ADAMTS17: variants seen among roughly 807,000 people sequenced by gnomAD.
ADAMTS17 encodes A disintegrin and metalloproteinase with thrombospondin motifs 17.
In ADAMTS17, 113 loss-of-function variants were observed where a neutral mutation model predicts 141.5. That is an observed-to-expected ratio of 0.80 (90% CI 0.69 to 0.93). The LOEUF is 0.93. Among genes scored for constraint, ADAMTS17 ranks in the 40% least tolerant of loss-of-function variants. ADAMTS17 has a pLI of 0.00. For synonymous variants in ADAMTS17, 768 were observed against 630.6 expected (o/e 1.22, Z -3.27); for missense variants, 1,659 against 1,517.9 (o/e 1.09, Z -1.54).
In ADAMTS17 at chr15:100,317,438, G is replaced by C. The variant is rs564099279; in HGVS notation, c.616+13451C>G. ...CAGGGAGACAGGAAATGAGGACCCA[G>C]GTTCCCAGCCTCAAAGGAGCAGAGG... On this transcript the variant is annotated intron_variant, in intron 3 of 21. Coordinates refer to ENST00000268070, the MANE Select transcript of ADAMTS17 (RefSeq NM_139057.4). Among the ~76,000 whole-genome samples the C allele has an allele frequency of 2.0e-5, 3 of 152,244 alleles. No homozygotes were observed. In the East Asian group the frequency reaches 5.8e-4, roughly 29 times the overall value.
intron 20 of ADAMTS17, among the ~76,000 whole-genome samples, chr15:99,985,732 C>G (rs1381445257): frequency 6.6e-6 from 1 of 152,232 alleles, no homozygotes; most frequent in African/African-American, 2.4e-5. Flanking sequence ...TATCACCACT[C>G]TGAACCTCAG....
At chr15:100,207,755 T>G (rs2041633294) in intron 7 of ADAMTS17, among the ~76,000 whole-genome samples, 1 of 152,076 alleles carries the variant, frequency 6.6e-6, no homozygotes, top group Non-Finnish European at 1.5e-5. Context: ...GACAATGGGG[T>G]ACACCTTGCA....
rs746396471 is a variant in ADAMTS17, at chr15:100,116,890, C to A, written c.1845G>T (p.Leu615=). 6.2e-7 allele frequency: 1 copy of A among 1,614,190 alleles called. No homozygotes were observed. Among genetic ancestry groups the A allele is most frequent in the Non-Finnish European group, 8.5e-7 (1 of 1,180,030 alleles). Residue 615 remains leucine (L), a synonymous_variant, in exon 13 of 22, where the codon CTG becomes CTT. Coordinates refer to ENST00000268070, the MANE Select transcript of ADAMTS17 (RefSeq NM_139057.4). The part of the protein sequence containing the change: ...RDQQCQAHDR[L]SPKKKGLLTA... Reference sequence around the variant, plus strand: ...TCAGCAGGCCTTTCTTCTTGGGGCTCAGCCGGTCGTGTGCCTGGCACTGCT... The same window carrying A: ...TCAGCAGGCCTTTCTTCTTGGGGCTAAGCCGGTCGTGTGCCTGGCACTGCT...
chr15:100,299,887 G>T (rs1045973208), intron 3 of ADAMTS17, among the ~76,000 whole-genome samples: 1 of 152,112 alleles, frequency 6.6e-6, no homozygotes, highest in Non-Finnish European at 1.5e-5. Flanking sequence ...GTGTCCCCAC[G>T]CTGCTAGGTT....
At chr15:100,004,200 G>A (rs12908133) in intron 18 of ADAMTS17, among the ~76,000 whole-genome samples, 72,381 of 152,068 alleles carry the variant, frequency 0.48, 18,165 homozygotes, top group Non-Finnish European at 0.57. Flanking sequence ...AGCCGTCTAC[G>A]GGGGTTGCTG....
chr15:100,152,827 C>CT lies in ADAMTS17; in HGVS notation c.1323-66dup, dbSNP rs10664668. 0.063 allele frequency: 80,948 copies of CT among 1,290,450 alleles called. 559 individuals carry two copies. The highest frequency in any genetic ancestry group is 0.15 in the African/African-American group (9,963 of 67,512). The allele number at this position is 1,290,450 out of a possible 1,614,324, so 79.9% of individuals were successfully genotyped here. ...GCCTAGGTTTTTTTGTTTTCTTTTT[C>CT]TTTTTTTTTTTGAGTTTTCAGTCAC... On this transcript the variant is annotated intron_variant, in intron 9 of 21. Transcript: ENST00000268070.
At chr15:100,036,503 G>A (rs1369871047) in intron 18 of ADAMTS17, among the ~76,000 whole-genome samples, 2 of 152,232 alleles carry the variant, frequency 1.3e-5, no homozygotes, top group African/African-American at 2.4e-5. Flanking sequence ...GGGCTGGTGT[G>A]TCAGCCTCTG....
intron 18 of ADAMTS17, among the ~76,000 whole-genome samples, chr15:100,029,284 A>G (rs1489735970): frequency 2.0e-5 from 3 of 152,176 alleles, no homozygotes; most frequent in African/African-American, 7.2e-5. Context: ...TTATTCTATT[A>G]ATATCTTCTC....
chr15:100,160,830 C>T (rs1057130508), intron 8 of ADAMTS17, among the ~76,000 whole-genome samples: 6 of 152,196 alleles, frequency 3.9e-5, no homozygotes, highest in Admixed American at 2.0e-4. Flanking sequence ...CATCACTTTA[C>T]AGTTTGATTA....
At chr15:100,265,087 C>G (rs1251782792) in intron 4 of ADAMTS17, among the ~76,000 whole-genome samples, 1 of 152,198 alleles carries the variant, frequency 6.6e-6, no homozygotes, top group Admixed American at 6.5e-5. Context: ...AACTAGGGCA[C>G]TGACGTCCAA....
chr15:100,143,293 C>T (rs757535626), intron 10 of ADAMTS17, among the ~76,000 whole-genome samples: 2 of 152,228 alleles, frequency 1.3e-5, no homozygotes, highest in Non-Finnish European at 2.9e-5. Context: ...TGGGCTTTCT[C>T]ACCCTCTGCT....
chr15:100,325,077 T>C (rs1447702244), intron 3 of ADAMTS17, among the ~76,000 whole-genome samples: 1 of 152,198 alleles, frequency 6.6e-6, no homozygotes, highest in South Asian at 2.1e-4. Flanking sequence ...TTTTTACCTT[T>C]TAGACATTTA....
intron 8 of ADAMTS17, among the ~76,000 whole-genome samples, chr15:100,169,446 G>A (rs1051268298): frequency 6.6e-6 from 1 of 152,208 alleles, no homozygotes; most frequent in Non-Finnish European, 1.5e-5. Flanking sequence ...TGTTTTCAAT[G>A]TGAAAATCAC....
intron 10 of ADAMTS17, among the ~76,000 whole-genome samples, chr15:100,151,664 C>G (rs1435635118): frequency 6.6e-6 from 1 of 152,208 alleles, no homozygotes; most frequent in East Asian, 1.9e-4. Flanking sequence ...CCTACTTCTG[C>G]CCTCCTTCTC....
chr15:100,320,287 G>A (rs1039716104), intron 3 of ADAMTS17, among the ~76,000 whole-genome samples: 2 of 152,112 alleles, frequency 1.3e-5, no homozygotes, highest in South Asian at 2.1e-4. Context: ...GAAGAGGCAC[G>A]TCTCCACGAG....
intron 20 of ADAMTS17, among the ~76,000 whole-genome samples, chr15:99,977,386 ATATATATATATATAATTTT>A (rs2060377835): frequency 1.7e-4 from 2 of 11,476 alleles, no homozygotes; most frequent in African/African-American, 6.9e-4. Flanking sequence ...ATATATATAT[ATATATATATATATAATTTT>A]TTTTTTTTTT....
At chr15:100,209,229 G>C (rs1453894380) in intron 7 of ADAMTS17, among the ~76,000 whole-genome samples, 1 of 152,048 alleles carries the variant, frequency 6.6e-6, no homozygotes, top group African/African-American at 2.4e-5. Flanking sequence ...ATGAAATGTG[G>C]ACTTTTAGTG....
chr15:100,060,104 G>A (rs979459457), intron 15 of ADAMTS17, among the ~76,000 whole-genome samples: 1 of 152,196 alleles, frequency 6.6e-6, no homozygotes, highest in East Asian at 1.9e-4. Context: ...TGAAGAACAG[G>A]GGACTCCCCC....
At chr15:100,088,928 G>A (rs1051173338) in intron 15 of ADAMTS17, among the ~76,000 whole-genome samples, 19 of 152,060 alleles carry the variant, frequency 1.2e-4, no homozygotes, top group Middle Eastern at 6.8e-3. Flanking sequence ...CATAGGCATG[G>A]GCAAGGACTT....
Sources: gnomAD v4.1 joint callset for allele counts (sites outside exome capture counted in the v4.1 genomes callset) on GRCh38, gnomAD v4.1.1 for gene constraint, MANE v1.5 for transcripts, NCBI Gene and HGNC (gene_info 2026-07-23, HGNC 2026-07-21) for gene names.